Variants in SPNS2 observed in about 807,000 individuals in gnomAD.
The protein encoded by SPNS2 is sphingosine-1-phosphate transporter SPNS2.
A neutral mutation model predicts 57.6 loss-of-function variants in SPNS2; 37 were observed. The observed-to-expected ratio is 0.64, with a 90% confidence interval of 0.49 to 0.85. The LOEUF (loss-of-function observed/expected upper bound fraction) is 0.85, where lower values mean the gene tolerates loss of function less well. SPNS2 is among the 40% of genes least tolerant of loss of function. SPNS2 has a pLI of 0.00. For synonymous variants in SPNS2, 440 were observed against 346.9 expected (o/e 1.27, Z -2.98); for missense variants, 831 against 779.1 (o/e 1.07, Z -0.79).
At chr17:4,533,945 A>G (rs1025768430) in intron 9 of SPNS2, 92 bp downstream of exon 9, 10 of 1,134,690 alleles carry the variant, frequency 8.8e-6, no homozygotes, top group Admixed American at 1.8e-5. Context: ...AAGGGGCGGG[A>G]GAGCTGGTAG....
At chr17:4,529,349 G>A (rs1283356074) in intron 3 of SPNS2, among the ~76,000 whole-genome samples, 5 of 152,032 alleles carry the variant, frequency 3.3e-5, no homozygotes, top group Admixed American at 3.3e-4. Context: ...TAAAGTGCTG[G>A]GATTATAGGC....
At position 4,536,772 on chromosome 17, in the gene SPNS2, C is replaced by A. The variant is rs1905840069; in HGVS notation, c.1608-128C>A. 5 of 772,560 alleles carry A rather than the reference C, an allele frequency of 6.5e-6. No individual in the cohort carries two copies. In the East Asian group the frequency reaches 1.3e-4, roughly 20 times the overall value. 47.9% of individuals were successfully genotyped at this position (772,560 alleles called of 1,614,324 possible). ...CACCCCTGGGCTCTCCCATCTCCCC[C>A]TGGGGCTGACGAGGTCCCTGCCCAG... On this transcript the variant is annotated intron_variant, in intron 11 of 12. Transcript: ENST00000329078.
chr17:4,518,669 A>T lies in SPNS2; in HGVS notation c.436+5357A>T, dbSNP rs148604610. ...CTCACGAGGAAGTGCCAGGATGGGGATGGGGGAACGGAGGGAGAGTGGGGA... is the reference window on the plus strand; with the variant it reads ...CTCACGAGGAAGTGCCAGGATGGGGTTGGGGGAACGGAGGGAGAGTGGGGA... On this transcript the variant is annotated intron_variant, in intron 2 of 12. Coordinates refer to ENST00000329078, the MANE Select transcript of SPNS2 (RefSeq NM_001124758.3). 2.4e-3 allele frequency among the ~76,000 whole-genome samples: 364 copies of T among 152,284 alleles called. 7 individuals carry two copies. The highest frequency in any genetic ancestry group is 0.02 in the East Asian group (106 of 5,182).
Position 4,511,264 on chromosome 17 carries a change from A to G in SPNS2, c.371-1983A>G, listed in dbSNP as rs527652952. The stretch of plus-strand genomic sequence containing the variant: ...TGGGAGGGGAGCAAGCAGGGGAGAT[A>G]TTCCAGAACAGGAGGCATCTGAACT... On this transcript the variant is annotated intron_variant, in intron 1 of 12. Transcript: ENST00000329078. This position sits in a 1 kb window ranked among gnomAD's most constrained non-coding sequence, Gnocchi z 4.6. Among the ~76,000 whole-genome samples the G allele has an allele frequency of 1.4e-4, 22 of 152,332 alleles. No homozygotes were observed. Among genetic ancestry groups the G allele is most frequent in the Middle Eastern group, 3.4e-3 (1 of 294 alleles).
Position 4,533,081 on chromosome 17 carries a change from A to G in SPNS2, c.1040A>G (p.Gln347Arg). The G allele has an allele frequency of 8.1e-6, 13 of 1,613,150 alleles. No individual in the cohort carries two copies. The highest frequency in any genetic ancestry group is 1.3e-5 in the African/African-American group (1 of 75,040). ...PLYLHRAQVV[Q>R]KTAETCNSPP... ...TACCTGCACCGCGCCCAAGTTGTGCAGAAGACAGCAGAGACGTGCAACAGC... is the reference window on the plus strand; with the variant it reads ...TACCTGCACCGCGCCCAAGTTGTGCGGAAGACAGCAGAGACGTGCAACAGC... The change falls in exon 7 of 13, where the codon CAG (glutamine) becomes CGG (arginine). Residue 347 changes from glutamine (Q) to arginine (R), a missense_variant. Gln to Arg is a conservative substitution (Grantham distance 43). Coordinates refer to ENST00000329078, the MANE Select transcript of SPNS2 (RefSeq NM_001124758.3).
chr17:4,535,706 C>G (rs917403598), intron 9 of SPNS2, among the ~76,000 whole-genome samples: 1 of 152,068 alleles, frequency 6.6e-6, no homozygotes, highest in African/African-American at 2.4e-5. Context: ...GTGAAGATTC[C>G]AATTTCAGAG....
At chr17:4,527,663 C>T (rs34956586) in intron 3 of SPNS2, among the ~76,000 whole-genome samples, 75,546 of 151,962 alleles carry the variant, frequency 0.5, 19,505 homozygotes, top group Middle Eastern at 0.59. Context: ...TCTCTAGTAA[C>T]CAGGGAAATG....
chr17:4,516,316 C>CAAAAAAAAAAAAAAAAAAA (rs67710825), intron 2 of SPNS2, among the ~76,000 whole-genome samples: 5 of 67,490 alleles, frequency 7.4e-5, no homozygotes, highest in African/African-American at 3.0e-4. Context: ...TCTATCTCCC[C>CAAAAAAAAAAAAAAAAAAA]AAAAAAAAAA....
chr17:4,525,117 A>G lies in SPNS2; in HGVS notation c.497A>G (p.Asn166Ser), dbSNP rs1450872330. 1 of 1,614,110 alleles carries G rather than the reference A, an allele frequency of 6.2e-7. No individual in the cohort carries two copies. The highest frequency in any genetic ancestry group is 1.7e-5 in the Admixed American group (1 of 60,010). ...PIFGYLGDRF[N>S]RKVILSCGIF... is the part of the protein sequence containing the mutation. ...TTCGGCTACCTGGGCGACCGCTTCA[A>G]CAGGAAGGTGATTCTCAGCTGCGGC... The change falls in exon 3 of 13, where the codon AAC becomes AGC. Residue 166 changes from asparagine to serine, a missense_variant. Around this residue, in one of 2 missense-constraint regions of SPNS2, gnomAD observed 305 missense variants for 378.3 expected, o/e 0.81. Coordinates refer to ENST00000329078, the MANE Select transcript of SPNS2 (RefSeq NM_001124758.3).
rs754716622 is a variant in SPNS2, at chr17:4,536,295, C to T, written c.1476C>T (p.Asp492=). 7 of 1,612,616 alleles carry T rather than the reference C, an allele frequency of 4.3e-6. No homozygotes were observed. The South Asian group carries it at 6.6e-5, about 15-fold the overall frequency. ...ACCTGATCCGCCAGAGCACTAAGGACTCCCCGCTCTGGGAGTTCCTGAGCC... is the reference window on the plus strand; with the variant it reads ...ACCTGATCCGCCAGAGCACTAAGGATTCCCCGCTCTGGGAGTTCCTGAGCC... ...ISDLIRQSTK[D]SPLWEFLSLG... is the part of the protein sequence containing the mutation. The change falls in exon 11 of 13, where the codon GAC becomes GAT. Residue 492 remains aspartate, a synonymous_variant. Coordinates refer to ENST00000329078, the MANE Select transcript of SPNS2 (RefSeq NM_001124758.3).
chr17:4,513,394 C>A, intron 2 of SPNS2, 82 bp downstream of exon 2: 1 of 1,452,122 alleles, frequency 6.9e-7, no homozygotes, highest in South Asian at 1.1e-5. Flanking sequence ...ATCTGCCACC[C>A]GGTCTGTCTT....
chr17:4,533,424 G>C lies in SPNS2; in HGVS notation c.1270G>C (p.Gly424Arg). The C allele has an allele frequency of 6.2e-7, 1 of 1,603,356 alleles. No individual in the cohort carries two copies. The highest frequency in any genetic ancestry group is 1.7e-5 in the Admixed American group (1 of 59,168). Reference sequence around the variant, plus strand: ...CGTGGCTGCCAAGAGCAGCATCGTAGGAGCCTATGTGAGTGCAGCGGGGGT... The same window carrying C: ...CGTGGCTGCCAAGAGCAGCATCGTACGAGCCTATGTGAGTGCAGCGGGGGT... Reference protein sequence around the residue: ...IFVAAKSSIVGAYICIFVGET... With the variant: ...IFVAAKSSIVRAYICIFVGET... The change falls in exon 8 of 13, where the codon GGA becomes CGA. Residue 424 changes from glycine to arginine, a missense_variant. Physicochemically the swap from Gly to Arg is moderately radical, Grantham distance 125 (BLOSUM62 -2). Coordinates refer to ENST00000329078, the MANE Select transcript of SPNS2 (RefSeq NM_001124758.3).
intron 9 of SPNS2, 55 bp from the exon 10 acceptor site, chr17:4,536,021 G>C (rs922736074): frequency 6.5e-7 from 1 of 1,530,110 alleles, no homozygotes; most frequent in Non-Finnish European, 8.9e-7. Context: ...CGGGGCCAGG[G>C]CCAAGCGCGT....
At chr17:4,516,470 G>A (rs1486053418) in intron 2 of SPNS2, among the ~76,000 whole-genome samples, 3 of 152,194 alleles carry the variant, frequency 2.0e-5, no homozygotes, top group Non-Finnish European at 2.9e-5. Flanking sequence ...CCCAGACTCA[G>A]TTCTTACCCT....
rs760273671 is a variant in SPNS2 at position 4,525,203 on chromosome 17, G to A, written c.573+10G>A. The A allele has an allele frequency of 9.9e-6, 16 of 1,613,380 alleles. No homozygotes were observed. In the Admixed American group the frequency reaches 1.0e-4, roughly 10 times the overall value. ...CTTCATTCCCCAGCAGGTGAGGCCC[G>A]GCTCGGCTTCTCCCCGACCCCTGTG... On this transcript the variant is annotated intron_variant, in intron 3 of 12. Transcript: ENST00000329078.
Position 4,537,877 on chromosome 17 carries a change from A to AACT in SPNS2, c.*429_*430insACT. 2.2e-6 allele frequency: 1 copy of AACT among 450,154 alleles called. No individual in the cohort carries two copies. 27.9% of individuals were successfully genotyped at this position (450,154 alleles called of 1,614,324 possible). On this transcript the variant is annotated 3_prime_UTR_variant, in exon 13 of 13. Transcript: ENST00000329078. ...CACGATCTGCAGCTTTGAAGACTCA[A>AACT]CAGACCCTGGACCATACGGAGAGCA...
intron 3 of SPNS2, among the ~76,000 whole-genome samples, chr17:4,525,984 G>A (rs1905255018): frequency 6.6e-6 from 1 of 152,206 alleles, no homozygotes; most frequent in Non-Finnish European, 1.5e-5. Context: ...CTGCTATAGA[G>A]AAAGATGAAG....
At chr17:4,524,410 C>T (rs542340157) in intron 2 of SPNS2, among the ~76,000 whole-genome samples, 18 of 152,306 alleles carry the variant, frequency 1.2e-4, no homozygotes, top group South Asian at 2.1e-4. Context: ...TATGGCTGGG[C>T]GCGGTGGCTC....
rs527574299 is a variant in SPNS2, at chr17:4,510,628, C to T, written c.371-2619C>T. On this transcript the variant is annotated intron_variant, in intron 1 of 12. Transcript: ENST00000329078. This position sits in a 1 kb window ranked among gnomAD's most constrained non-coding sequence, Gnocchi z 4.4. The stretch of plus-strand genomic sequence containing the variant: ...AATGGAACCTGCAGTTACTGCAGAC[C>T]CGTGTCCCTCCTCTGGACTATGGAT... 6.6e-6 allele frequency among the ~76,000 whole-genome samples: 1 copy of T among 152,292 alleles called. No individual in the cohort carries two copies. Among genetic ancestry groups the T allele is most frequent in the East Asian group, 1.9e-4 (1 of 5,180 alleles).
Sources: gnomAD v4.1 joint callset for allele counts (sites outside exome capture counted in the v4.1 genomes callset) on GRCh38, gnomAD v4.1.1 for gene constraint, gnomAD v4.1.1 regional missense constraint, Gnocchi (gnomAD v3.1) non-coding constraint, MANE v1.5 for transcripts, NCBI Gene and HGNC (gene_info 2026-07-23, HGNC 2026-07-21) for gene names.